Variants in GABRB3 observed in about 807,000 individuals in gnomAD.
GABRB3 encodes gamma-aminobutyric acid type A receptor subunit beta3.
Under a neutral mutation model 52.1 loss-of-function variants are expected in GABRB3, and 14 were observed. The observed-to-expected ratio is 0.27, with a 90% CI of 0.18 to 0.42. The LOEUF (loss-of-function observed/expected upper bound fraction) is 0.42. Ranked by LOEUF, GABRB3 falls within the 10% of genes least tolerant of loss-of-function variation. The pLI, the probability that GABRB3 is intolerant of heterozygous loss-of-function variation, is 1.00. For missense variants in GABRB3, 307 were observed against 609.1 expected (o/e 0.50, Z 5.22); for synonymous variants, 260 against 232.3 (o/e 1.12, Z -1.08).
rs570804859 is a variant in GABRB3, at chr15:26,691,342, G to A, written c.241-69808C>T. On this transcript the variant is annotated intron_variant, in intron 3 of 8. Coordinates refer to ENST00000311550, the MANE Select transcript of GABRB3 (RefSeq NM_000814.6). The stretch of plus-strand genomic sequence containing the variant: ...AAGAACCATCAAGATGCAAAGACGG[G>A]GAAGAAAAAAGAAGCCTGAACAATA... Among the ~76,000 whole-genome samples the A allele has an allele frequency of 1.2e-4, 19 of 152,192 alleles. No homozygotes were observed. The South Asian group carries it at 3.9e-3, about 32-fold the overall frequency.
chr15:26,578,471 T>TTA (rs1176061038), intron 6 of GABRB3, among the ~76,000 whole-genome samples: 5 of 152,192 alleles, frequency 3.3e-5, no homozygotes, highest in African/African-American at 9.7e-5. Context: ...CCAGACATTT[T>TTA]TAGGATGTGT....
At chr15:26,679,550 T>C (rs1230474761) in intron 3 of GABRB3, among the ~76,000 whole-genome samples, 1 of 152,058 alleles carries the variant, frequency 6.6e-6, no homozygotes, top group Non-Finnish European at 1.5e-5. Flanking sequence ...ACCATTTATT[T>C]TGGAAAGGAA....
chr15:26,653,209 A>G, intron 3 of GABRB3, among the ~76,000 whole-genome samples: 1 of 152,324 alleles, frequency 6.6e-6, no homozygotes, highest in East Asian at 1.9e-4. Context: ...TGTAAAACTA[A>G]CAAATTCACC....
At chr15:26,606,930 T>C (rs1028122902) in intron 4 of GABRB3, among the ~76,000 whole-genome samples, 2 of 151,942 alleles carry the variant, frequency 1.3e-5, no homozygotes, top group Admixed American at 6.6e-5. Context: ...CCTAGCTTAA[T>C]AGTCACACAA....
intron 3 of GABRB3, among the ~76,000 whole-genome samples, chr15:26,674,451 G>GGAAAGGAAAGGAAAGGAAAA (rs1888003388): frequency 9.3e-6 from 1 of 107,804 alleles, no homozygotes; most frequent in African/African-American, 2.9e-5. Context: ...GGAAAGGAAA[G>GGAAAGGAAAGGAAAGGAAAA]GAAAAGAAAA....
At chr15:26,721,197 A>G (rs1474978020) in intron 3 of GABRB3, among the ~76,000 whole-genome samples, 2 of 152,106 alleles carry the variant, frequency 1.3e-5, no homozygotes, top group African/African-American at 2.4e-5. Flanking sequence ...AGAATATGCC[A>G]CCCCAAAATA....
At chr15:26,719,693 A>G (rs549834488) in intron 3 of GABRB3, among the ~76,000 whole-genome samples, 74 of 152,346 alleles carry the variant, frequency 4.9e-4, no homozygotes, top group African/African-American at 7.5e-4. Context: ...AATACGTCAG[A>G]TCATCAGTTT....
intron 3 of GABRB3, among the ~76,000 whole-genome samples, chr15:26,668,316 T>TA (rs1566797862): frequency 6.6e-6 from 1 of 152,202 alleles, no homozygotes; most frequent in African/African-American, 2.4e-5. Flanking sequence ...TAATGTGCTA[T>TA]AAAAAATTAA....
intron 4 of GABRB3, among the ~76,000 whole-genome samples, chr15:26,601,051 G>A (rs1188939984): frequency 6.6e-6 from 1 of 152,242 alleles, no homozygotes; most frequent in East Asian, 1.9e-4. Context: ...CAAATGAGAT[G>A]CTGTAAGTAT....
Position 26,560,389 on chromosome 15 carries a change from T to G in GABRB3, c.1080+543A>C, listed in dbSNP as rs116653798. 8.8e-3 allele frequency among the ~76,000 whole-genome samples: 1,335 copies of G among 152,276 alleles called. 25 individuals are homozygous for G. Among genetic ancestry groups the G allele is most frequent in the African/African-American group, 0.025 (1,041 of 41,570 alleles). The stretch of plus-strand genomic sequence containing the variant: ...CCAGCTCCATGTTGACCCTCTCCCT[T>G]GTGTTCAACACCAGGCCAGAGATTA... On this transcript the variant is annotated intron_variant, in intron 8 of 8. Coordinates refer to ENST00000311550, the MANE Select transcript of GABRB3 (RefSeq NM_000814.6).
In GABRB3 at chr15:26,772,988, G is replaced by A. The variant is rs941187309; in HGVS notation, c.-26C>T. Reference sequence around the variant, plus strand: ...CCCTCCGCCGCGCCCCGGCACGGGGGAGGGGGCGCCCCGCCGCCGTCGCGA... The same window carrying A: ...CCCTCCGCCGCGCCCCGGCACGGGGAAGGGGGCGCCCCGCCGCCGTCGCGA... On this transcript the variant is annotated 5_prime_UTR_variant, in exon 1 of 9. Transcript: ENST00000311550. 1 of 1,364,354 alleles carries A rather than the reference G, an allele frequency of 7.3e-7. No homozygotes were observed. Among genetic ancestry groups the A allele is most frequent in the Non-Finnish European group, 9.5e-7 (1 of 1,048,938 alleles). 84.5% of individuals were successfully genotyped at this position (1,364,354 alleles called of 1,614,324 possible).
chr15:26,588,123 G>A lies in GABRB3; in HGVS notation c.462-4709C>T, dbSNP rs376798904. ...ATAATGGCCAAGTGACAGAAGACAC[G>A]CCTGTGTCCAATATATCCTTTCTTT... On this transcript the variant is annotated intron_variant, in intron 4 of 8. Coordinates refer to ENST00000311550, the MANE Select transcript of GABRB3 (RefSeq NM_000814.6). 1.1e-4 allele frequency among the ~76,000 whole-genome samples: 16 copies of A among 152,254 alleles called. No individual in the cohort carries two copies. In the South Asian group the frequency reaches 3.1e-3, roughly 30 times the overall value.
intron 3 of GABRB3, among the ~76,000 whole-genome samples, chr15:26,762,670 T>C (rs1378067870): frequency 6.6e-6 from 1 of 152,218 alleles, no homozygotes; most frequent in Non-Finnish European, 1.5e-5. Context: ...TAATTTCCAA[T>C]ATTATTTGAG....
intron 3 of GABRB3, among the ~76,000 whole-genome samples, chr15:26,672,401 C>A (rs1887926243): frequency 6.6e-6 from 1 of 152,060 alleles, no homozygotes; most frequent in Admixed American, 6.5e-5. Flanking sequence ...CTCCTAAGAC[C>A]CACTTATAGT....
At position 26,621,971 on chromosome 15, in the gene GABRB3, C is replaced by T. The variant is rs964153557; in HGVS notation, c.241-437G>A. Among the ~76,000 whole-genome samples, 54 of 152,172 alleles carry T rather than the reference C, an allele frequency of 3.5e-4. No homozygotes were observed. The highest frequency in any genetic ancestry group is 6.8e-4 in the African/African-American group (28 of 41,442). On this transcript the variant is annotated intron_variant, in intron 3 of 8. Coordinates refer to ENST00000311550, the MANE Select transcript of GABRB3 (RefSeq NM_000814.6). The surrounding 1 kb of genome is among the most constrained non-coding windows in gnomAD (Gnocchi z 4.1). The stretch of plus-strand genomic sequence containing the variant: ...CAAACTCTCTCTGCAATTTGAGCCA[C>T]TTTCCTCTGGTTCTGCCCTCCATGA...
chr15:26,554,023 A>T (rs113698417), intron 8 of GABRB3, among the ~76,000 whole-genome samples: 121 of 72,230 alleles, frequency 1.7e-3, no homozygotes, highest in African/African-American at 7.6e-3. Flanking sequence ...CTGACTATTT[A>T]TATATATATA....
chr15:26,599,702 T>C (rs74560509), intron 4 of GABRB3, among the ~76,000 whole-genome samples: 3 of 152,178 alleles, frequency 2.0e-5, no homozygotes, highest in Non-Finnish European at 4.4e-5. Context: ...GAGGATGAGA[T>C]AGTGAAGGTC....
At chr15:26,677,529 G>A (rs1484347702) in intron 3 of GABRB3, among the ~76,000 whole-genome samples, 2 of 152,116 alleles carry the variant, frequency 1.3e-5, no homozygotes, top group African/African-American at 4.8e-5. Context: ...CAGAATTCTA[G>A]GGCTCAAGCT....
intron 5 of GABRB3, chr15:26,580,759 G>C: frequency 2.2e-6 from 1 of 450,588 alleles, no homozygotes; most frequent in Non-Finnish European, 4.1e-6. Flanking sequence ...ACACAGAGAT[G>C]AATTTAAAAT....
Sources: gnomAD v4.1 joint callset for allele counts (sites outside exome capture counted in the v4.1 genomes callset) on GRCh38, gnomAD v4.1.1 for gene constraint, Gnocchi (gnomAD v3.1) non-coding constraint, MANE v1.5 for transcripts, NCBI Gene and HGNC (gene_info 2026-07-23, HGNC 2026-07-21) for gene names.